SEZ6L: variants seen among roughly 807,000 people sequenced by gnomAD.
The protein encoded by SEZ6L is seizure related 6 homolog like, also known as seizure 6-like protein.
In SEZ6L, 37 loss-of-function variants were observed where a neutral mutation model predicts 106.2. The ratio of observed to expected loss-of-function variants is 0.35; its 90% CI spans 0.27 to 0.46. SEZ6L has a LOEUF of 0.46. Ranked by LOEUF, SEZ6L falls within the 20% of genes least tolerant of loss-of-function variation. The pLI, the probability that SEZ6L is intolerant of heterozygous loss-of-function variation, is 1.00. For synonymous variants in SEZ6L, 541 were observed against 570.4 expected (o/e 0.95, Z 0.73); for missense variants, 1,172 against 1,332.8 (o/e 0.88, Z 1.88).
intron 3 of SEZ6L, among the ~76,000 whole-genome samples, chr22:26,295,587 G>A (rs2081277493): frequency 6.6e-6 from 1 of 152,098 alleles, no homozygotes; most frequent in African/African-American, 2.4e-5. Context: ...AAAATAAACT[G>A]GAGAAAACCT....
At chr22:26,277,869 G>T (rs575810880) in intron 1 of SEZ6L, among the ~76,000 whole-genome samples, 4 of 152,308 alleles carry the variant, frequency 2.6e-5, no homozygotes, top group African/African-American at 9.6e-5. Flanking sequence ...AAAGAAGCCA[G>T]GTAATTATGA....
chr22:26,208,848 CTCTGTGTGTGTGTGTGTGTGTGTGTGTG>C (rs1941441494), intron 1 of SEZ6L, among the ~76,000 whole-genome samples: 1 of 106,802 alleles, frequency 9.4e-6, no homozygotes, highest in African/African-American at 4.2e-5. Flanking sequence ...TTGACTCTCT[CTCTGTGTGTGTGTGTGTGTGTGTGTGTG>C]TGTGTGTGTG....
chr22:26,219,270 T>TTTTC (rs2078390640), intron 1 of SEZ6L, among the ~76,000 whole-genome samples: 2 of 150,608 alleles, frequency 1.3e-5, no homozygotes, highest in Admixed American at 6.6e-5. Context: ...TTTTTTTTTT[T>TTTTC]CGCTCCTGGC....
chr22:26,348,417 T>C (rs1287994089), intron 11 of SEZ6L, among the ~76,000 whole-genome samples: 1 of 149,398 alleles, frequency 6.7e-6, no homozygotes, highest in East Asian at 2.0e-4. Flanking sequence ...GACAGAAGGA[T>C]TGCTGGAACG....
chr22:26,348,656 AAGAAAGAAAGAAAGAAAGAAAG>A (rs2083129934), intron 11 of SEZ6L, among the ~76,000 whole-genome samples: 1 of 46,638 alleles, frequency 2.1e-5, no homozygotes, highest in Non-Finnish European at 4.2e-5. Context: ...AAAAGAAAGA[AAGAAAGAAAGAAAGAAAGAAAG>A]AAAGAAAGAA....
At chr22:26,169,828 G>A (rs1569349777) in intron 1 of SEZ6L, 65 bp downstream of exon 1, 22 of 831,464 alleles carry the variant, frequency 2.6e-5, no homozygotes, top group Non-Finnish European at 3.6e-5. Context: ...GCAGCCAGGG[G>A]TCGGGGCTGA....
At chr22:26,278,988 G>A (rs901009941) in intron 1 of SEZ6L, among the ~76,000 whole-genome samples, 1 of 105,890 alleles carries the variant, frequency 9.4e-6, no homozygotes, top group African/African-American at 4.8e-5. Context: ...GAGGGAGGGA[G>A]GAAGGAAGGA....
Position 26,292,558 on chromosome 22 carries a change from C to A in SEZ6L, c.247C>A (p.Leu83Met). The A allele has an allele frequency of 6.2e-7, 1 of 1,613,852 alleles. No individual in the cohort carries two copies. Among genetic ancestry groups the A allele is most frequent in the Non-Finnish European group, 8.5e-7 (1 of 1,179,886 alleles). ...SSQSAEVLGE[L>M]VLDGTAPSAH... is the part of the protein sequence containing the mutation. ...ACAGTCGGCGGAAGTGCTGGGCGAG[C>A]TGGTGCTGGATGGGACCGCACCCTC... The change falls in exon 2 of 17, where the codon CTG (leucine) becomes ATG (methionine). Residue 83 changes from leucine (L) to methionine (M), a missense_variant. By Grantham distance (15) the Leu-to-Met change is conservative. Around this residue, in one of 4 missense-constraint regions of SEZ6L, gnomAD observed 494 missense variants for 445.8 expected, o/e 1.11. Transcript: ENST00000248933.
intron 9 of SEZ6L, among the ~76,000 whole-genome samples, chr22:26,321,658 G>A (rs1345385192): frequency 6.6e-6 from 1 of 152,194 alleles, no homozygotes; most frequent in Non-Finnish European, 1.5e-5. Context: ...TATCTTGCTT[G>A]GTTTTCCACT....
chr22:26,220,917 A>ATGGATGGATGGG lies in SEZ6L; in HGVS notation c.94+51166_94+51177dup, dbSNP rs993122697. Among the ~76,000 whole-genome samples the ATGGATGGATGGG allele has an allele frequency of 2.9e-3, 437 of 151,764 alleles. 10 individuals are homozygous for ATGGATGGATGGG. In the South Asian group the frequency reaches 0.054, roughly 19 times the overall value. On this transcript the variant is annotated intron_variant, in intron 1 of 16. Coordinates refer to ENST00000248933, the MANE Select transcript of SEZ6L (RefSeq NM_021115.5). ...AATGGATGGATGGATGGATGGATGG[A>ATGGATGGATGGG]TGGATGGATGGGTGGATGGATGGAT...
intron 9 of SEZ6L, among the ~76,000 whole-genome samples, chr22:26,334,560 G>T (rs554410221): frequency 1.3e-5 from 2 of 152,290 alleles, no homozygotes; most frequent in South Asian, 4.1e-4. Context: ...TTACCTTCTG[G>T]AAAGATTCAT....
chr22:26,332,998 G>A (rs117020936), intron 9 of SEZ6L, among the ~76,000 whole-genome samples: 380 of 152,280 alleles, frequency 2.5e-3, no homozygotes, highest in Middle Eastern at 6.8e-3. Context: ...GATACTTGGC[G>A]GACAGCACTG....
chr22:26,348,638 AAGAAAGAAAAAGAAAGAAAGAAAG>A (rs2083117824), intron 11 of SEZ6L, among the ~76,000 whole-genome samples: 2 of 31,470 alleles, frequency 6.4e-5, no homozygotes, highest in Non-Finnish European at 1.0e-4. Context: ...GAAAGAAAGA[AAGAAAGAAAAAGAAAGAAAGAAAG>A]AAAGAAAGAA....
intron 11 of SEZ6L, among the ~76,000 whole-genome samples, chr22:26,350,526 C>G (rs1039161683): frequency 6.6e-6 from 1 of 152,038 alleles, no homozygotes; most frequent in African/African-American, 2.4e-5. Flanking sequence ...GCTACCGTGC[C>G]CCACCTCTTT....
At chr22:26,207,767 A>G (rs1367119414) in intron 1 of SEZ6L, among the ~76,000 whole-genome samples, 1 of 152,150 alleles carries the variant, frequency 6.6e-6, no homozygotes, top group African/African-American at 2.4e-5. Context: ...ACCACTTTAC[A>G]TGAAATTTAG....
chr22:26,328,981 T>G (rs2082401241), intron 9 of SEZ6L, among the ~76,000 whole-genome samples: 1 of 152,104 alleles, frequency 6.6e-6, no homozygotes, highest in Non-Finnish European at 1.5e-5. Flanking sequence ...GATGGCCTGA[T>G]TTGTCTGGAG....
intron 1 of SEZ6L, among the ~76,000 whole-genome samples, chr22:26,228,012 A>G (rs1016020398): frequency 1.3e-5 from 2 of 152,218 alleles, no homozygotes; most frequent in Non-Finnish European, 2.9e-5. Context: ...TGTCCCTGGG[A>G]ACAGTGCAGG....
At chr22:26,327,409 CCA>C (rs139127644) in intron 9 of SEZ6L, among the ~76,000 whole-genome samples, 88 of 139,474 alleles carry the variant, frequency 6.3e-4, no homozygotes, top group African/African-American at 1.9e-3. Flanking sequence ...CACATACACA[CCA>C]CACACACACA....
intron 9 of SEZ6L, among the ~76,000 whole-genome samples, chr22:26,319,707 G>A (rs1028185597): frequency 2.6e-5 from 4 of 152,176 alleles, no homozygotes; most frequent in African/African-American, 9.7e-5. Context: ...GTATCTTGAA[G>A]TATTTCAACT....
Sources: allele counts gnomAD v4.1 joint callset (sites outside exome capture counted in the v4.1 genomes callset), GRCh38; gene constraint gnomAD v4.1.1; regional missense constraint gnomAD v4.1.1; transcripts MANE v1.5; gene names NCBI Gene and HGNC (gene_info 2026-07-23, HGNC 2026-07-21).